POLD1: variants seen among roughly 807,000 people sequenced by gnomAD.
POLD1 encodes DNA polymerase delta catalytic subunit.
In POLD1, 79 loss-of-function variants were observed where a neutral mutation model predicts 129.7. The ratio of observed to expected loss-of-function variants is 0.61; its 90% confidence interval spans 0.51 to 0.73. The LOEUF is 0.73. Among genes scored for constraint, POLD1 ranks in the 30% least tolerant of loss-of-function variants. POLD1 has a pLI of 0.00. For synonymous variants in POLD1, 714 were observed against 683.3 expected (o/e 1.04, Z -0.70); for missense variants, 1,338 against 1,595.8 (o/e 0.84, Z 2.75).
At position 50,415,763 on chromosome 19, in the gene POLD1, C is replaced by T. The variant is rs757406292; in HGVS notation, c.2757C>T (p.Gly919=). 54 of 1,521,972 alleles carry T rather than the reference C, an allele frequency of 3.5e-5. No individual in the cohort carries two copies. Among genetic ancestry groups the T allele is most frequent in the African/African-American group, 5.6e-5 (4 of 71,988 alleles). 94.3% of individuals were successfully genotyped at this position (1,521,972 alleles called of 1,614,324 possible). A position where few individuals can be genotyped will look rare whatever the true frequency, so the allele number is the denominator to read the frequency against. ...ACCCCGGGAGTGCGCCCAGCCTGGG[C>T]GACCGCGTCCCCTACGTGATCATCA... The part of the protein sequence containing the change: ...KRDPGSAPSL[G]DRVPYVIISA... Residue 919 remains glycine (G), a synonymous_variant, in exon 22 of 27, where the codon GGC becomes GGT. Coordinates refer to ENST00000440232, the MANE Select transcript of POLD1 (RefSeq NM_002691.4).
At position 50,406,333 on chromosome 19, in the gene POLD1, G is replaced by A. The variant is rs2122322703; in HGVS notation, c.1383+11G>A. 6.2e-7 allele frequency: 1 copy of A among 1,613,512 alleles called. No homozygotes were observed. Among genetic ancestry groups the A allele is most frequent in the Middle Eastern group, 1.7e-4 (1 of 6,058 alleles). On this transcript the variant is annotated intron_variant, in intron 11 of 26. Coordinates refer to ENST00000440232, the MANE Select transcript of POLD1 (RefSeq NM_002691.4). The surrounding 1 kb of genome is among the most constrained non-coding windows in gnomAD (Gnocchi z 5.5). ...ATGGACATGCTGCAGGTATGGGCGG[G>A]AGGTGGGGTGTGTCCCTGTCCTTGG... is the stretch of plus-strand genomic sequence containing the variant.
At position 50,409,044 on chromosome 19, in the gene POLD1, C is replaced by A; in HGVS notation, c.1893-78C>A. 7.4e-7 allele frequency: 1 copy of A among 1,357,076 alleles called. No homozygotes were observed. Among genetic ancestry groups the A allele is most frequent in the Non-Finnish European group, 1.0e-6 (1 of 955,460 alleles). 84.1% of individuals were successfully genotyped at this position (1,357,076 alleles called of 1,614,324 possible). On this transcript the variant is annotated intron_variant, in intron 15 of 26. Transcript: ENST00000440232. This position sits in a 1 kb window ranked among gnomAD's most constrained non-coding sequence, Gnocchi z 5.8. The stretch of plus-strand genomic sequence containing the variant: ...TTGAGGGGCCTGCGTGTGCTCATGG[C>A]CAAGGCCAGGACCGTAGGGCAGAGG...
intron 1 of POLD1, among the ~76,000 whole-genome samples, chr19:50,384,598 G>T (rs1003306806): frequency 3.3e-5 from 5 of 151,892 alleles, no homozygotes; most frequent in African/African-American, 7.3e-5. Context: ...TCCTCGGCGG[G>T]CAGGGGGCGC....
rs1212558974 is a variant in POLD1, at chr19:50,407,066, C to G, written c.1578C>G (p.Leu526=). 1 of 1,613,866 alleles carries G rather than the reference C, an allele frequency of 6.2e-7. No homozygotes were observed. The highest frequency in any genetic ancestry group is 1.7e-5 in the Admixed American group (1 of 60,016). The part of the protein sequence containing the change: ...AYLPLRLLER[L]MVLVNAVEMA... ...TGCCACTGCGGCTGCTGGAGCGGCT[C>G]ATGGTGCTGGTGAACGCCGTGGAGA... Residue 526 remains leucine (L), a synonymous_variant, in exon 13 of 27, where the codon CTC becomes CTG. Coordinates refer to ENST00000440232, the MANE Select transcript of POLD1 (RefSeq NM_002691.4).
intron 10 of POLD1, among the ~76,000 whole-genome samples, chr19:50,404,195 C>T (rs959232718): frequency 3.3e-5 from 5 of 151,984 alleles, no homozygotes; most frequent in Non-Finnish European, 5.9e-5. Flanking sequence ...GGCTTGCAGA[C>T]GGCCATCATC....
At chr19:50,401,270 TTA>T (rs1194812575) in intron 3 of POLD1, among the ~76,000 whole-genome samples, 1 of 145,564 alleles carries the variant, frequency 6.9e-6, no homozygotes, top group East Asian at 2.0e-4. Flanking sequence ...TCTTTATGTA[TTA>T]ATTTATGTAT....
chr19:50,395,428 A>G (rs1356256854), intron 1 of POLD1, among the ~76,000 whole-genome samples: 1 of 151,980 alleles, frequency 6.6e-6, no homozygotes, highest in African/African-American at 2.4e-5. Flanking sequence ...CTAAAAATAC[A>G]AAAAAATTAG....
rs2038660657 is a variant in POLD1 at position 50,402,047 on chromosome 19, C to T, written c.512C>T (p.Ala171Val). Residue 171 changes from alanine (A) to valine (V), a missense_variant, in exon 5 of 27, where the codon GCC becomes GTC. By Grantham distance (64) the Ala-to-Val change is moderately conservative (BLOSUM62 0). Coordinates refer to ENST00000440232, the MANE Select transcript of POLD1 (RefSeq NM_002691.4). ...MGDLQRELNL[A>V]ISRDSRGGRE... ...GACCTGCAACGGGAGCTGAACTTGG[C>T]CATCAGCCGGGACAGTCGCGGGGGG... 6.2e-7 allele frequency: 1 copy of T among 1,614,094 alleles called. No individual in the cohort carries two copies. The highest frequency in any genetic ancestry group is 2.2e-5 in the East Asian group (1 of 44,856).
At chr19:50,390,241 T>C (rs1183803080) in intron 1 of POLD1, among the ~76,000 whole-genome samples, 1 of 151,982 alleles carries the variant, frequency 6.6e-6, no homozygotes, top group Non-Finnish European at 1.5e-5. Flanking sequence ...TTTTCTTTTT[T>C]TTTTTTCAAG....
intron 19 of POLD1, 23 bp from the exon 20 acceptor site, chr19:50,414,792 T>G: frequency 6.6e-7 from 1 of 1,505,180 alleles, no homozygotes; most frequent in Non-Finnish European, 8.9e-7. Flanking sequence ...AGGCTCAGGG[T>G]CTTGGCCATG....
rs559071730 is a variant in POLD1 at position 50,402,820 on chromosome 19, G to A, written c.970+79G>A. 4,190 of 1,524,456 alleles carry A rather than the reference G, an allele frequency of 2.7e-3. 16 individuals carry two copies. Among genetic ancestry groups the A allele is most frequent in the Non-Finnish European group, 3.1e-3 (3,513 of 1,133,116 alleles). The allele number at this position is 1,524,456 out of a possible 1,614,324, so 94.4% of individuals were successfully genotyped here. Reference sequence around the variant, plus strand: ...GTCGGAAAGGCAGGTCCGGTGGAGGGAATGGCAAGCATGAAGGTGCCGGGG... The same window carrying A: ...GTCGGAAAGGCAGGTCCGGTGGAGGAAATGGCAAGCATGAAGGTGCCGGGG... On this transcript the variant is annotated intron_variant, in intron 8 of 26. Coordinates refer to ENST00000440232, the MANE Select transcript of POLD1 (RefSeq NM_002691.4).
At chr19:50,390,900 C>T (rs1450773442) in intron 1 of POLD1, among the ~76,000 whole-genome samples, 2 of 152,106 alleles carry the variant, frequency 1.3e-5, no homozygotes, top group East Asian at 1.9e-4. Flanking sequence ...GGGGTAAGGC[C>T]GTAGATTAAC....
At chr19:50,393,475 A>G (rs774079256) in intron 1 of POLD1, among the ~76,000 whole-genome samples, 21 of 152,102 alleles carry the variant, frequency 1.4e-4, no homozygotes, top group Non-Finnish European at 2.8e-4. Flanking sequence ...GTTTCAGACC[A>G]GCCTCAGCAA....
chr19:50,397,603 C>T (rs1438266631), intron 1 of POLD1, among the ~76,000 whole-genome samples: 1 of 152,092 alleles, frequency 6.6e-6, no homozygotes, highest in Admixed American at 6.5e-5. Flanking sequence ...TGGGGTTTCA[C>T]CATGTTGGTC....
chr19:50,410,712 G>T (rs146493619), intron 17 of POLD1, among the ~76,000 whole-genome samples: 1 of 152,040 alleles, frequency 6.6e-6, no homozygotes, highest in South Asian at 2.1e-4. Context: ...GTTTTGATGC[G>T]TGCCTGCACA....
At chr19:50,411,946 G>C (rs1422910212) in intron 17 of POLD1, among the ~76,000 whole-genome samples, 2 of 152,092 alleles carry the variant, frequency 1.3e-5, no homozygotes, top group Non-Finnish European at 2.9e-5. Context: ...AGACCAGCCT[G>C]GGCAACATAG....
At chr19:50,412,414 A>G (rs1186783544) in intron 17 of POLD1, among the ~76,000 whole-genome samples, 1 of 151,866 alleles carries the variant, frequency 6.6e-6, no homozygotes, top group Non-Finnish European at 1.5e-5. Flanking sequence ...CGGCCTCCCA[A>G]AGTGCTGGGA....
intron 3 of POLD1, among the ~76,000 whole-genome samples, chr19:50,400,043 G>A (rs2122208252): frequency 6.6e-6 from 1 of 151,062 alleles, no homozygotes; most frequent in East Asian, 2.0e-4. Context: ...TTGAACTCCT[G>A]ACCTCAAGTG....
intron 22 of POLD1, 107 bp downstream of exon 22, chr19:50,415,933 G>T (rs2039271108): frequency 1.1e-6 from 1 of 871,500 alleles, no homozygotes; most frequent in Non-Finnish European, 1.7e-6. Flanking sequence ...TGCCCTGTGG[G>T]GCCCTGAGAA....
Sources: allele counts gnomAD v4.1 joint callset (sites outside exome capture counted in the v4.1 genomes callset), GRCh38; gene constraint gnomAD v4.1.1; non-coding constraint Gnocchi (gnomAD v3.1); transcripts MANE v1.5; gene names NCBI Gene and HGNC (gene_info 2026-07-23, HGNC 2026-07-21).